Variants in GRID2 observed in about 807,000 individuals in gnomAD.
GRID2 encodes glutamate receptor ionotropic, delta-2.
In GRID2, 33 loss-of-function variants were observed where a neutral mutation model predicts 114.8. The ratio of observed to expected loss-of-function variants is 0.29; its 90% CI spans 0.22 to 0.38. GRID2 has a LOEUF of 0.38. Ranked by LOEUF, GRID2 falls within the 10% of genes least tolerant of loss-of-function variation. The pLI is 1.00. For missense variants in GRID2, 1,184 were observed against 1,257.7 expected (o/e 0.94, Z 0.89); for synonymous variants, 505 against 449.9 (o/e 1.12, Z -1.55).
intron 2 of GRID2, among the ~76,000 whole-genome samples, chr4:92,683,075 G>A (rs538283787): frequency 2.0e-5 from 3 of 152,198 alleles, no homozygotes; most frequent in Admixed American, 1.3e-4. Flanking sequence ...CAAGGCGGGC[G>A]GATCACAAGG....
chr4:92,599,165 G>T (rs2149217723), intron 2 of GRID2, among the ~76,000 whole-genome samples: 2 of 151,232 alleles, frequency 1.3e-5, no homozygotes, highest in South Asian at 4.2e-4. Flanking sequence ...TGCAACATGT[G>T]TACTTAGGGT....
At chr4:92,953,830 C>T (rs1399350182) in intron 2 of GRID2, among the ~76,000 whole-genome samples, 2 of 152,064 alleles carry the variant, frequency 1.3e-5, no homozygotes, top group African/African-American at 4.8e-5. Context: ...TCATATTTCA[C>T]AATTTTTTAA....
At chr4:93,461,485 A>G (rs1723734705) in intron 11 of GRID2, among the ~76,000 whole-genome samples, 1 of 152,114 alleles carries the variant, frequency 6.6e-6, no homozygotes, top group African/African-American at 2.4e-5. Flanking sequence ...GAGCCACTAT[A>G]CCAGATTGAA....
At chr4:92,878,908 G>T (rs1745808710) in intron 2 of GRID2, among the ~76,000 whole-genome samples, 1 of 151,964 alleles carries the variant, frequency 6.6e-6, no homozygotes, top group Admixed American at 6.6e-5. Context: ...ATACAAACCC[G>T]TGAGGCTATC....
chr4:93,541,774 C>T (rs1457250426), intron 13 of GRID2, among the ~76,000 whole-genome samples: 1 of 152,106 alleles, frequency 6.6e-6, no homozygotes, highest in Non-Finnish European at 1.5e-5. Context: ...TACACAGTAA[C>T]TTGAAAAAAT....
At chr4:93,430,012 C>T (rs1769248751) in intron 10 of GRID2, among the ~76,000 whole-genome samples, 1 of 152,088 alleles carries the variant, frequency 6.6e-6, no homozygotes, top group Non-Finnish European at 1.5e-5. Context: ...AGTAAATCAG[C>T]TGCTTGGGAC....
intron 8 of GRID2, among the ~76,000 whole-genome samples, chr4:93,245,386 C>T (rs1029617775): frequency 6.6e-6 from 1 of 152,086 alleles, no homozygotes; most frequent in African/African-American, 2.4e-5. Flanking sequence ...ACTCTTTATC[C>T]TCAATTCCTA....
chr4:93,430,116 C>T lies in GRID2; in HGVS notation c.1545+7148C>T, dbSNP rs541895969. 1.0e-3 allele frequency among the ~76,000 whole-genome samples: 153 copies of T among 152,122 alleles called. 1 individual carries two copies. Among genetic ancestry groups the T allele is most frequent in the African/African-American group, 3.6e-3 (150 of 41,518 alleles). ...AATTCCTATGATGGGTATTTTAGTT[C>T]ATCAATGCATTAACAATAGAAAGCA... is the stretch of plus-strand genomic sequence containing the variant. On this transcript the variant is annotated intron_variant, in intron 10 of 15. Transcript: ENST00000282020.
chr4:93,654,304 A>G (rs544523879), intron 14 of GRID2, among the ~76,000 whole-genome samples: 1 of 152,304 alleles, frequency 6.6e-6, no homozygotes, highest in East Asian at 1.9e-4. Flanking sequence ...CTTTATTCAT[A>G]AAACACTTTG....
In GRID2 at chr4:92,385,417, T is replaced by C. The variant is rs189981696; in HGVS notation, c.88+80673T>C. Among the ~76,000 whole-genome samples the C allele has an allele frequency of 3.0e-3, 449 of 151,898 alleles. 4 individuals are homozygous for C. Among genetic ancestry groups the C allele is most frequent in the African/African-American group, 0.01 (426 of 41,530 alleles). ...AATTGTGGCAACACAGAGTATCAAC[T>C]GGAATTTATTAAAAAAATTATTAAA... On this transcript the variant is annotated intron_variant, in intron 1 of 15. Transcript: ENST00000282020.
chr4:93,338,657 T>A (rs554534255), intron 8 of GRID2, among the ~76,000 whole-genome samples: 1 of 152,168 alleles, frequency 6.6e-6, no homozygotes, highest in Non-Finnish European at 1.5e-5. Context: ...CTTGTGAGCT[T>A]GTTCAAGCTG....
chr4:93,623,704 T>C (rs1167152259), intron 13 of GRID2, among the ~76,000 whole-genome samples: 4 of 152,208 alleles, frequency 2.6e-5, no homozygotes, highest in African/African-American at 9.6e-5. Context: ...CAGTAAACTT[T>C]TGTTCTGTTC....
chr4:92,766,126 G>C (rs1307474693), intron 2 of GRID2, among the ~76,000 whole-genome samples: 2 of 152,086 alleles, frequency 1.3e-5, no homozygotes, highest in East Asian at 3.9e-4. Context: ...GATTTTCAGG[G>C]GTACATTCTT....
intron 8 of GRID2, among the ~76,000 whole-genome samples, chr4:93,361,878 G>A (rs141127956): frequency 6.6e-6 from 1 of 152,036 alleles, no homozygotes; most frequent in Non-Finnish European, 1.5e-5. Context: ...AGGATGTGCA[G>A]GTTGGTTACA....
At chr4:93,700,832 G>A (rs1334715152) in intron 14 of GRID2, among the ~76,000 whole-genome samples, 1 of 152,082 alleles carries the variant, frequency 6.6e-6, no homozygotes, top group Non-Finnish European at 1.5e-5. Flanking sequence ...GGGATTGCAC[G>A]TGTGTGCCAT....
intron 1 of GRID2, among the ~76,000 whole-genome samples, chr4:92,330,093 T>TGAGTAA (rs1460028131): frequency 6.6e-6 from 1 of 150,668 alleles, no homozygotes; most frequent in Non-Finnish European, 1.5e-5. Flanking sequence ...CAGGCAAAGG[T>TGAGTAA]GAGTAAGGTA....
intron 2 of GRID2, among the ~76,000 whole-genome samples, chr4:92,682,570 A>T (rs1733701488): frequency 6.6e-6 from 1 of 152,144 alleles, no homozygotes; most frequent in African/African-American, 2.4e-5. Context: ...AACTGGGAAG[A>T]TTGCTGTTTG....
intron 14 of GRID2, among the ~76,000 whole-genome samples, chr4:93,636,434 T>C (rs752261259): frequency 6.6e-5 from 10 of 151,734 alleles, no homozygotes; most frequent in Non-Finnish European, 1.2e-4. Context: ...CACACACACA[T>C]GCGCACACAT....
chr4:93,057,793 C>G (rs1247048062), intron 2 of GRID2, among the ~76,000 whole-genome samples: 1 of 151,794 alleles, frequency 6.6e-6, no homozygotes, highest in Admixed American at 6.6e-5. Context: ...GAATTCTTAT[C>G]TGCATTTAAT....
Sources: allele counts gnomAD v4.1 joint callset (sites outside exome capture counted in the v4.1 genomes callset), GRCh38; gene constraint gnomAD v4.1.1; transcripts MANE v1.5; gene names NCBI Gene and HGNC (gene_info 2026-07-23, HGNC 2026-07-21).